The following KMT2A variants were observed in gnomAD, a reference collection of about 807,000 sequenced individuals.
KMT2A encodes the protein histone-lysine N-methyltransferase 2A.
A neutral mutation model predicts 345.3 loss-of-function variants in KMT2A; 16 were observed. That is an observed-to-expected ratio of 0.05 (90% CI 0.03 to 0.07). The LOEUF (loss-of-function observed/expected upper bound fraction) is 0.07. Among genes scored for constraint, KMT2A ranks in the 10% least tolerant of loss-of-function variants. KMT2A has a pLI of 1.00. For missense variants in KMT2A, 3,272 were observed against 4,841.6 expected (o/e 0.68, Z 9.62); for synonymous variants, 1,599 against 1,778.6 (o/e 0.90, Z 2.54).
chr11:118,457,257 C>CTTTTTTTT (rs782636684), intron 1 of KMT2A, among the ~76,000 whole-genome samples: 1 of 89,058 alleles, frequency 1.1e-5, no homozygotes, highest in Admixed American at 1.1e-4. Context: ...CACCTCCTGC[C>CTTTTTTTT]TTTTTTTTTT....
chr11:118,507,260 G>A (rs1950600494), intron 27 of KMT2A, among the ~76,000 whole-genome samples: 1 of 152,158 alleles, frequency 6.6e-6, no homozygotes, highest in South Asian at 2.1e-4. Flanking sequence ...TCATGTCACT[G>A]CACTCCAGCC....
At position 118,490,297 on chromosome 11, in the gene KMT2A, G is replaced by A; in HGVS notation, c.4696+48G>A. The A allele has an allele frequency of 6.6e-7, 1 of 1,507,000 alleles. No homozygotes were observed. Among genetic ancestry groups the A allele is most frequent in the Non-Finnish European group, 8.8e-7 (1 of 1,136,164 alleles). 93.4% of individuals were successfully genotyped at this position (1,507,000 alleles called of 1,614,324 possible). A position where few individuals can be genotyped will look rare whatever the true frequency, so the allele number is the denominator to read the frequency against. ...CCAGCTTTCGGAGGTTGTACTTGGT[G>A]TTCTGGAGGTGAACTAGACTCTAGT... On this transcript the variant is annotated intron_variant, in intron 13 of 35. Transcript: ENST00000534358. The surrounding 1 kb of genome is among the most constrained non-coding windows in gnomAD (Gnocchi z 4.2).
At position 118,472,453 on chromosome 11, in the gene KMT2A, G is replaced by A; in HGVS notation, c.1294G>A (p.Glu432Lys). The change falls in exon 3 of 36, where the codon GAG becomes AAG. Residue 432 changes from glutamate to lysine, a missense_variant. This residue lies in a region of KMT2A where 180 missense variants were observed against 190.7 expected (regional missense o/e 0.94). Transcript: ENST00000534358. Reference sequence around the variant, plus strand: ...GACCCCTCGGCGGTTTATAGAGGATGAGGATTATGACCCTCCAATTAAAAT... The same window carrying A: ...GACCCCTCGGCGGTTTATAGAGGATAAGGATTATGACCCTCCAATTAAAAT... ...IKTPRRFIED[E>K]DYDPPIKIAR... 2 of 1,614,030 alleles carry A rather than the reference G, an allele frequency of 1.2e-6. No individual in the cohort carries two copies. Among genetic ancestry groups the A allele is most frequent in the Non-Finnish European group, 1.7e-6 (2 of 1,180,012 alleles).
Position 118,495,464 on chromosome 11 carries a change from A to G in KMT2A, c.5364-236A>G, listed in dbSNP as rs1470419104. ...GAGCCACCATGCCCGGCCTCTTTTG[A>G]GTTTTTGATAGGGTTATCATTTGTT... is the stretch of plus-strand genomic sequence containing the variant. On this transcript the variant is annotated intron_variant, in intron 18 of 35. Coordinates refer to ENST00000534358, the MANE Select transcript of KMT2A (RefSeq NM_001197104.2). This position sits in a 1 kb window ranked among gnomAD's most constrained non-coding sequence, Gnocchi z 4.1. Among the ~76,000 whole-genome samples, 1 of 151,906 alleles carries G rather than the reference A, an allele frequency of 6.6e-6. No homozygotes were observed.
rs2135292808 is a variant in KMT2A at position 118,521,274 on chromosome 11, C to T, written c.11514-14C>T. ...CAAAATTTGTGTCTGACCTCTTTTC[C>T]ATCTTTGTCCTAGGTCTCCCATCCA... On this transcript the variant is annotated splice_polypyrimidine_tract_variant and intron_variant, in intron 34 of 35. Transcript: ENST00000534358. The surrounding 1 kb of genome is among the most constrained non-coding windows in gnomAD (Gnocchi z 5.3). The T allele has an allele frequency of 6.2e-7, 1 of 1,612,176 alleles. No homozygotes were observed. The highest frequency in any genetic ancestry group is 8.5e-7 in the Non-Finnish European group (1 of 1,178,636).
chr11:118,504,159 T>C lies in KMT2A; in HGVS notation c.8267T>C (p.Leu2756Ser). 1.2e-6 allele frequency: 2 copies of C among 1,614,056 alleles called. No homozygotes were observed. The highest frequency in any genetic ancestry group is 3.3e-4 in the Middle Eastern group (2 of 6,062). The part of the protein sequence containing the change: ...RNGKENGTEN[L>S]KIDRPEDAGE... The stretch of plus-strand genomic sequence containing the variant: ...GGTAAAGAAAATGGAACAGAGAACT[T>C]AAAGATTGATAGACCTGAAGATGCT... The change falls in exon 27 of 36, where the codon TTA (leucine) becomes TCA (serine). Residue 2756 changes from leucine (L) to serine (S), a missense_variant. Coordinates refer to ENST00000534358, the MANE Select transcript of KMT2A (RefSeq NM_001197104.2). The surrounding 1 kb of genome is among the most constrained non-coding windows in gnomAD (Gnocchi z 6.4).
chr11:118,514,475 C>G (rs1339003776), intron 31 of KMT2A, among the ~76,000 whole-genome samples: 3 of 151,206 alleles, frequency 2.0e-5, no homozygotes, highest in Admixed American at 1.3e-4. Context: ...GAGTCTTACT[C>G]TGTCACCCAG....
chr11:118,482,487 A>G lies in KMT2A; in HGVS notation c.4078A>G (p.Lys1360Glu). 1 of 1,610,588 alleles carries G rather than the reference A, an allele frequency of 6.2e-7. No individual in the cohort carries two copies. Among genetic ancestry groups the G allele is most frequent in the Admixed American group, 1.7e-5 (1 of 59,984 alleles). Residue 1360 changes from lysine to glutamate, a missense_variant, in exon 8 of 36, where the codon AAA becomes GAA. Around this residue, in one of 27 missense-constraint regions of KMT2A, gnomAD observed 168 missense variants for 216.0 expected, o/e 0.78. Coordinates refer to ENST00000534358, the MANE Select transcript of KMT2A (RefSeq NM_001197104.2). Reference sequence around the variant, plus strand: ...AAGTATCCCTGTAAAACAAAAACCAAAAGAAAAGGTGAGGAGAGATTTGTT... The same window carrying G: ...AAGTATCCCTGTAAAACAAAAACCAGAAGAAAAGGTGAGGAGAGATTTGTT... ...RPSIPVKQKP[K>E]EKEKPPPVNK...
At chr11:118,513,958 A>AT (rs71469180) in intron 31 of KMT2A, among the ~76,000 whole-genome samples, 2 of 149,778 alleles carry the variant, frequency 1.3e-5, no homozygotes, top group Non-Finnish European at 3.0e-5. Flanking sequence ...AAAAAAAAAA[A>AT]GAAAAAGAAA....
intron 1 of KMT2A, among the ~76,000 whole-genome samples, chr11:118,451,208 T>C (rs1284920223): frequency 4.1e-5 from 4 of 97,600 alleles, no homozygotes; most frequent in African/African-American, 1.2e-4. Flanking sequence ...TATCTAATTC[T>C]TTTTTTTTTT....
At position 118,520,700 on chromosome 11, in the gene KMT2A, A is replaced by G; in HGVS notation, c.11430-102A>G. On this transcript the variant is annotated intron_variant, in intron 33 of 35. Transcript: ENST00000534358. The surrounding 1 kb of genome is among the most constrained non-coding windows in gnomAD (Gnocchi z 4.3). ...TTATAAGGCACTCGTTCAGTTTGGC[A>G]TTAAACAAAGAGTGTACTAATTGTC... 6.0e-6 allele frequency: 5 copies of G among 830,084 alleles called. No homozygotes were observed. The South Asian group carries it at 6.0e-5, about 10-fold the overall frequency. 51.4% of individuals were successfully genotyped at this position (830,084 alleles called of 1,614,324 possible).
intron 22 of KMT2A, 72 bp from the exon 23 acceptor site, chr11:118,499,231 G>A: frequency 1.1e-6 from 1 of 947,144 alleles, no homozygotes; most frequent in South Asian, 1.3e-5. Context: ...CTTCCACTCT[G>A]AGACAGTCAG....
Position 118,491,924 on chromosome 11 carries a change from G to T in KMT2A, c.5000G>T (p.Arg1667Leu). 1 of 1,611,308 alleles carries T rather than the reference G, an allele frequency of 6.2e-7. No homozygotes were observed. Among genetic ancestry groups the T allele is most frequent in the Non-Finnish European group, 8.5e-7 (1 of 1,178,450 alleles). ...ACTACCAGCCATTTGCTACGCTACC[G>T]GCAGGTAGGCCAAGTCTCATTTTTT... is the stretch of plus-strand genomic sequence containing the variant. The part of the protein sequence containing the change: ...SRTTSHLLRY[R>L]QAAKPPDLNP... The change falls in exon 15 of 36, where the codon CGG (arginine) becomes CTG (leucine). Residue 1667 changes from arginine (R) to leucine (L), a missense_variant. Arg to Leu is a moderately radical substitution (Grantham distance 102, BLOSUM62 -2). Transcript: ENST00000534358. This position sits in a 1 kb window ranked among gnomAD's most constrained non-coding sequence, Gnocchi z 4.2.
chr11:118,521,442 C>CAGTG lies in KMT2A; in HGVS notation c.11643+28_11643+29insGAGT. On this transcript the variant is annotated intron_variant, in intron 35 of 35. Transcript: ENST00000534358. The surrounding 1 kb of genome is among the most constrained non-coding windows in gnomAD (Gnocchi z 5.3). Reference sequence around the variant, plus strand: ...GGTAAGTCTCCCACTTGCACTCACACAGTTCTTTTGTTTTGCTGTAGAAAG... The same window carrying CAGTG: ...GGTAAGTCTCCCACTTGCACTCACACAGTGAGTTCTTTTGTTTTGCTGTAGAAAG... The CAGTG allele has an allele frequency of 6.2e-7, 1 of 1,612,636 alleles. No individual in the cohort carries two copies. Among genetic ancestry groups the CAGTG allele is most frequent in the Non-Finnish European group, 8.5e-7 (1 of 1,178,824 alleles).
chr11:118,523,763 TC>T lies in KMT2A; in HGVS notation c.*1596del, dbSNP rs1565320998. On this transcript the variant is annotated 3_prime_UTR_variant, in exon 36 of 36. Coordinates refer to ENST00000534358, the MANE Select transcript of KMT2A (RefSeq NM_001197104.2). ...AAAGTCTGGTTTTTCCTGCCCAACTTCCCCCTGGAAGGTGTACTTTTTGTTG... is the reference window on the plus strand; with the variant it reads ...AAAGTCTGGTTTTTCCTGCCCAACTTCCCCTGGAAGGTGTACTTTTTGTTG... The T allele has an allele frequency of 9.2e-6, 2 of 217,186 alleles. No homozygotes were observed. The highest frequency in any genetic ancestry group is 1.4e-3 in the Middle Eastern group (1 of 716). The allele number at this position is 217,186 out of a possible 1,614,324, so 13.5% of individuals were successfully genotyped here.
At chr11:118,443,333 T>C (rs1949352183) in intron 1 of KMT2A, among the ~76,000 whole-genome samples, 1 of 152,222 alleles carries the variant, frequency 6.6e-6, no homozygotes, top group Non-Finnish European at 1.5e-5. Context: ...GTTTTTAAAA[T>C]GATGAGCCGC....
intron 1 of KMT2A, among the ~76,000 whole-genome samples, chr11:118,465,055 A>G (rs1218121979): frequency 6.6e-6 from 1 of 152,218 alleles, no homozygotes; most frequent in Non-Finnish European, 1.5e-5. Flanking sequence ...GTCATTCAGT[A>G]TCATTAAGTA....
At chr11:118,480,356 A>G in intron 6 of KMT2A, 118 bp downstream of exon 6, 1 of 679,090 alleles carries the variant, frequency 1.5e-6, no homozygotes, top group Non-Finnish European at 2.5e-6. Flanking sequence ...CTCAGGGAGT[A>G]GATTGTTGAA....
In KMT2A at chr11:118,521,411, C is replaced by G. The variant is rs2135295003; in HGVS notation, c.11637C>G (p.Asp3879Glu). The change falls in exon 35 of 36, where the codon GAC (aspartate) becomes GAG (glutamate). Residue 3879 changes from aspartate to glutamate, a missense_variant. Asp to Glu is a conservative substitution (Grantham distance 45). Around this residue, in one of 27 missense-constraint regions of KMT2A, gnomAD observed 78 missense variants for 254.5 expected, o/e 0.31. Coordinates refer to ENST00000534358, the MANE Select transcript of KMT2A (RefSeq NM_001197104.2). This position sits in a 1 kb window ranked among gnomAD's most constrained non-coding sequence, Gnocchi z 5.3. ...IQTDKREKYY[D>E]SKGIGCYMFR... ...CTGACAAGCGGGAAAAGTATTACGA[C>G]AGCAAGGTAAGTCTCCCACTTGCAC... 5 of 1,614,080 alleles carry G rather than the reference C, an allele frequency of 3.1e-6. No individual in the cohort carries two copies. Among genetic ancestry groups the G allele is most frequent in the Non-Finnish European group, 3.4e-6 (4 of 1,179,978 alleles).
Sources: gnomAD v4.1 joint callset for allele counts (sites outside exome capture counted in the v4.1 genomes callset) on GRCh38, gnomAD v4.1.1 for gene constraint, gnomAD v4.1.1 regional missense constraint, Gnocchi (gnomAD v3.1) non-coding constraint, MANE v1.5 for transcripts, NCBI Gene and HGNC (gene_info 2026-07-23, HGNC 2026-07-21) for gene names.